ZC3H7A: variants seen among roughly 807,000 people sequenced by gnomAD.
ZC3H7A encodes the protein zinc finger CCCH domain-containing protein 7A.
Under a neutral mutation model 125.5 loss-of-function variants are expected in ZC3H7A, and 44 were observed. The observed-to-expected ratio is 0.35, with a 90% confidence interval of 0.28 to 0.45. The LOEUF is 0.45. Ranked by LOEUF, ZC3H7A falls within the 20% of genes least tolerant of loss-of-function variation. The pLI, the probability that ZC3H7A is intolerant of heterozygous loss-of-function variation, is 1.00. For missense variants in ZC3H7A, 977 were observed against 1,170.7 expected, an observed-to-expected ratio of 0.83 and a Z score of 2.41; for synonymous variants, 399 against 391.2, an observed-to-expected ratio of 1.02 and a Z score of -0.23.
chr16:11,774,430 C>G lies in ZC3H7A; in HGVS notation c.709G>C (p.Val237Leu). The G allele has an allele frequency of 1.2e-6, 2 of 1,609,534 alleles. No homozygotes were observed. Among genetic ancestry groups the G allele is most frequent in the South Asian group, 2.2e-5 (2 of 90,540 alleles). Residue 237 changes from valine to leucine, a missense_variant, in exon 9 of 23, where the codon GTT becomes CTT. By Grantham distance (32) the Val-to-Leu change is conservative (BLOSUM62 1). Around this residue, in one of 3 missense-constraint regions of ZC3H7A, gnomAD observed 342 missense variants for 311.3 expected, o/e 1.10. Coordinates refer to ENST00000355758, the MANE Select transcript of ZC3H7A (RefSeq NM_014153.4). ...ATAGAAGTTAAGGGCATAACAGGAA[C>G]TGAGGCCAGCTCACTTCCAACTTCA... ...SHEVGSELASVPVMPLTSILP... is the reference protein window; with the variant it reads ...SHEVGSELASLPVMPLTSILP...
chr16:11,779,453 G>C lies in ZC3H7A; in HGVS notation c.109-90C>G, dbSNP rs1021348979. 2.4e-5 allele frequency: 27 copies of C among 1,116,164 alleles called. No homozygotes were observed. In the African/African-American group the frequency reaches 3.0e-4, roughly 12 times the overall value. The allele number at this position is 1,116,164 out of a possible 1,614,324, so 69.1% of individuals were successfully genotyped here. ...AATTTTTATACCTAAAACTTCACAG[G>C]AAACAATGTGACAGAACAGCAGCAT... On this transcript the variant is annotated intron_variant, in intron 3 of 22. Coordinates refer to ENST00000355758, the MANE Select transcript of ZC3H7A (RefSeq NM_014153.4).
At chr16:11,790,282 G>T (rs1035734953) in intron 1 of ZC3H7A, among the ~76,000 whole-genome samples, 1 of 152,112 alleles carries the variant, frequency 6.6e-6, no homozygotes, top group Non-Finnish European at 1.5e-5. Flanking sequence ...AATGTGATGA[G>T]GCCATGTTTG....
At chr16:11,784,101 A>T (rs2141212505) in intron 1 of ZC3H7A, among the ~76,000 whole-genome samples, 1 of 152,324 alleles carries the variant, frequency 6.6e-6, no homozygotes, top group African/African-American at 2.4e-5. Context: ...AAACATTACA[A>T]AATAAGAAGT....
chr16:11,760,122 G>GA (rs66812605), intron 19 of ZC3H7A, among the ~76,000 whole-genome samples: 5,758 of 82,332 alleles, frequency 0.07, 300 homozygotes, highest in African/African-American at 0.16. Context: ...AAGAAAAAAT[G>GA]AAAAAAAAAA....
intron 1 of ZC3H7A, among the ~76,000 whole-genome samples, chr16:11,791,580 T>C (rs549845370): frequency 1.3e-5 from 2 of 152,274 alleles, no homozygotes; most frequent in Admixed American, 6.5e-5. Flanking sequence ...AAGAATGAAG[T>C]AAGCAGCCCA....
chr16:11,764,948 A>C, intron 15 of ZC3H7A, 105 bp downstream of exon 15: 1 of 725,748 alleles, frequency 1.4e-6, no homozygotes, highest in East Asian at 3.1e-5. Flanking sequence ...ATAACAACAT[A>C]ACGATGAAAG....
rs572254818 is a variant in ZC3H7A, at chr16:11,764,581, G to T, written c.1820+472C>A. Among the ~76,000 whole-genome samples, 315 of 151,998 alleles carry T rather than the reference G, an allele frequency of 2.1e-3. 1 individual carries two copies. The highest frequency in any genetic ancestry group is 7.3e-3 in the African/African-American group (302 of 41,452). On this transcript the variant is annotated intron_variant, in intron 15 of 22. Coordinates refer to ENST00000355758, the MANE Select transcript of ZC3H7A (RefSeq NM_014153.4). ...TTAAAAAATACAAAAAATTAGCCAGGCCTAGTGGTGGGTGTCTGTAATCCC... is the reference window on the plus strand; with the variant it reads ...TTAAAAAATACAAAAAATTAGCCAGTCCTAGTGGTGGGTGTCTGTAATCCC...
intron 15 of ZC3H7A, among the ~76,000 whole-genome samples, chr16:11,764,225 C>A (rs549787793): frequency 6.6e-5 from 10 of 152,218 alleles, no homozygotes; most frequent in African/African-American, 2.4e-4. Context: ...CCAGCCTGGC[C>A]AACATGTTGA....
At chr16:11,783,320 C>T (rs1469825994) in intron 1 of ZC3H7A, among the ~76,000 whole-genome samples, 1 of 152,130 alleles carries the variant, frequency 6.6e-6, no homozygotes, top group Non-Finnish European at 1.5e-5. Context: ...AATGTCAACA[C>T]ATATCATTCT....
chr16:11,763,741 AT>A (rs1596382717), intron 15 of ZC3H7A, 82 bp from the exon 16 acceptor site: 2 of 47,718 alleles, frequency 4.2e-5, no homozygotes, highest in African/African-American at 1.4e-4. Flanking sequence ...ATATATATAT[AT>A]ATATATATAT....
At position 11,765,385 on chromosome 16, in the gene ZC3H7A, A is replaced by C. The variant is rs1275959916; in HGVS notation, c.1719+104T>G. On this transcript the variant is annotated intron_variant, in intron 14 of 22. Coordinates refer to ENST00000355758, the MANE Select transcript of ZC3H7A (RefSeq NM_014153.4). The surrounding 1 kb of genome is among the most constrained non-coding windows in gnomAD (Gnocchi z 4.8). ...TATTATTTATCATATAAATAAATGA[A>C]TATTTATTCATTTACCAAGTGAATG... is the stretch of plus-strand genomic sequence containing the variant. 11 of 755,434 alleles carry C rather than the reference A, an allele frequency of 1.5e-5. No homozygotes were observed. Among genetic ancestry groups the C allele is most frequent in the Non-Finnish European group, 2.0e-5 (10 of 495,804 alleles). 46.8% of individuals were successfully genotyped at this position (755,434 alleles called of 1,614,324 possible).
chr16:11,763,253 G>A (rs1248602595), intron 16 of ZC3H7A: 3 of 334,958 alleles, frequency 9.0e-6, no homozygotes, highest in African/African-American at 2.1e-5. Flanking sequence ...TATTACAGGC[G>A]CCCACCACCA....
chr16:11,765,543 A>G lies in ZC3H7A; in HGVS notation c.1665T>C (p.Leu555=), dbSNP rs1171831997. ...GCTCCTGGAGAAGTTTGAACACAGTAAGGTTAATCTTTCCATTGCCGCCAA... is the reference window on the plus strand; with the variant it reads ...GCTCCTGGAGAAGTTTGAACACAGTGAGGTTAATCTTTCCATTGCCGCCAA... The part of the protein sequence containing the change: ...AFFGGNGKIN[L]TVFKLLQEHL... Residue 555 remains leucine, a synonymous_variant, in exon 14 of 23, where the codon CTT becomes CTC. Coordinates refer to ENST00000355758, the MANE Select transcript of ZC3H7A (RefSeq NM_014153.4). This position sits in a 1 kb window ranked among gnomAD's most constrained non-coding sequence, Gnocchi z 4.8. 3 of 1,614,202 alleles carry G rather than the reference A, an allele frequency of 1.9e-6. No individual in the cohort carries two copies. In the East Asian group the frequency reaches 6.7e-5, roughly 36 times the overall value.
Position 11,767,437 on chromosome 16 carries a change from C to A in ZC3H7A, c.1502G>T (p.Gly501Val). Residue 501 changes from glycine to valine, a missense_variant, in exon 13 of 23, where the codon GGA becomes GTA. Gly to Val is a moderately radical substitution (Grantham distance 109). Coordinates refer to ENST00000355758, the MANE Select transcript of ZC3H7A (RefSeq NM_014153.4). ...RPRPTKTNYE[G>V]PYYICKDVAA... ...CATACCTTTACATATATAATATGGT[C>A]CTTCATAATTTGTTTTTGTTGGTCT... is the stretch of plus-strand genomic sequence containing the variant. The A allele has an allele frequency of 6.3e-7, 1 of 1,591,372 alleles. No homozygotes were observed. The highest frequency in any genetic ancestry group is 1.1e-5 in the South Asian group (1 of 89,818).
chr16:11,772,509 C>T (rs1469794252), intron 9 of ZC3H7A, among the ~76,000 whole-genome samples: 1 of 151,752 alleles, frequency 6.6e-6, no homozygotes. Context: ...AAATGATGCA[C>T]TATGATGAAG....
chr16:11,791,476 C>A (rs2053351259), intron 1 of ZC3H7A, among the ~76,000 whole-genome samples: 1 of 152,192 alleles, frequency 6.6e-6, no homozygotes. Context: ...TCACCCCAGT[C>A]TCACCCCTCT....
intron 21 of ZC3H7A, among the ~76,000 whole-genome samples, chr16:11,755,485 C>T (rs2141156354): frequency 6.6e-6 from 1 of 152,254 alleles, no homozygotes; most frequent in East Asian, 1.9e-4. Flanking sequence ...AACTTAATGT[C>T]CCCAAGAACC....
At chr16:11,781,010 G>T (rs1261244269) in intron 3 of ZC3H7A, among the ~76,000 whole-genome samples, 1 of 151,892 alleles carries the variant, frequency 6.6e-6, no homozygotes, top group Non-Finnish European at 1.5e-5. Context: ...TTTTCAAGTG[G>T]CTCAAAAGAT....
At chr16:11,761,292 T>C (rs2052748157) in intron 19 of ZC3H7A, 114 bp downstream of exon 19, 1 of 1,007,870 alleles carries the variant, frequency 9.9e-7, no homozygotes, top group South Asian at 1.5e-5. Context: ...TTAAATAGCA[T>C]TATTACTGAC....
Sources: gnomAD v4.1 joint callset for allele counts (sites outside exome capture counted in the v4.1 genomes callset) on GRCh38, gnomAD v4.1.1 for gene constraint, gnomAD v4.1.1 regional missense constraint, Gnocchi (gnomAD v3.1) non-coding constraint, MANE v1.5 for transcripts, NCBI Gene and HGNC (gene_info 2026-07-23, HGNC 2026-07-21) for gene names.